The following NPNT variants were observed in gnomAD, a reference collection of about 807,000 sequenced individuals.
NPNT encodes the protein preosteoblast EGF-like repeat protein with MAM domain.
A neutral mutation model predicts 68.6 loss-of-function variants in NPNT; 45 were observed. The observed-to-expected ratio is 0.66, with a 90% CI of 0.52 to 0.84. The LOEUF (loss-of-function observed/expected upper bound fraction) is 0.84. Ranked by LOEUF, NPNT falls within the 40% of genes least tolerant of loss-of-function variation. The pLI, the probability that NPNT is intolerant of heterozygous loss-of-function variation, is 0.00. For missense variants in NPNT, 672 were observed against 714.8 expected, an observed-to-expected ratio of 0.94 and a Z score of 0.68; for synonymous variants, 233 against 253.3, an observed-to-expected ratio of 0.92 and a Z score of 0.76.
chr4:105,902,752 C>G (rs1726523467), intron 2 of NPNT: 1 of 152,118 alleles, frequency 6.6e-6, no homozygotes, highest in South Asian at 2.1e-4. Flanking sequence ...AATGCAGATT[C>G]CAAAGTAAGA....
chr4:105,896,094 C>T, intron 1 of NPNT: 1 of 246,532 alleles, frequency 4.1e-6, no homozygotes, highest in Non-Finnish European at 7.8e-6. Context: ...ACTCCCGCGC[C>T]TGAACTAGAC....
intron 3 of NPNT, among the ~76,000 whole-genome samples, chr4:105,934,739 T>A (rs1392703505): frequency 6.6e-6 from 1 of 152,254 alleles, no homozygotes; most frequent in Admixed American, 6.5e-5. Context: ...CATGTTTTCT[T>A]CCTTTCACAT....
Position 105,942,599 on chromosome 4 carries a change from C to T in NPNT, c.1056C>T (p.Thr352=), listed in dbSNP as rs149050685. ...LPPTTPERPT[T]GLTTIAPAAS... ...CTACAACCCCAGAAAGGCCAACCAC[C>T]GGACTGACAACTATAGCACCAGCTG... The change falls in exon 8 of 12, where the codon ACC becomes ACT. Residue 352 remains threonine, a synonymous_variant. Transcript: ENST00000379987. 28 of 1,614,030 alleles carry T rather than the reference C, an allele frequency of 1.7e-5. No individual in the cohort carries two copies. Among genetic ancestry groups the T allele is most frequent in the African/African-American group, 1.7e-4 (13 of 75,004 alleles).
chr4:105,928,804 T>A (rs1053381000), intron 3 of NPNT, among the ~76,000 whole-genome samples: 1 of 152,044 alleles, frequency 6.6e-6, no homozygotes, highest in Admixed American at 6.6e-5. Flanking sequence ...AACTATCCCT[T>A]ACATACTTAC....
chr4:105,968,763 A>G, intron 11 of NPNT, 132 bp from the exon 12 acceptor site: 1 of 596,422 alleles, frequency 1.7e-6, no homozygotes, highest in Non-Finnish European at 3.0e-6. Context: ...TGGCAACTAT[A>G]TTCTGTTTTT....
intron 8 of NPNT, among the ~76,000 whole-genome samples, chr4:105,947,218 G>A (rs542335975): frequency 2.6e-5 from 4 of 152,162 alleles, no homozygotes; most frequent in South Asian, 2.1e-4. Flanking sequence ...CCCTAAAATC[G>A]CTGTTATTGT....
chr4:105,957,620 C>A (rs2149399662), intron 8 of NPNT, among the ~76,000 whole-genome samples: 1 of 152,186 alleles, frequency 6.6e-6, no homozygotes, highest in Non-Finnish European at 1.5e-5. Context: ...CCCTCCAGGA[C>A]CTCAGAGACT....
At chr4:105,908,267 G>T (rs1727079262) in intron 2 of NPNT, among the ~76,000 whole-genome samples, 1 of 151,298 alleles carries the variant, frequency 6.6e-6, no homozygotes, top group Admixed American at 6.6e-5. Flanking sequence ...TTATTTGCAT[G>T]TTGAGAGTCA....
Position 105,940,597 on chromosome 4 carries a change from T to A in NPNT, c.724T>A (p.Cys242Ser), listed in dbSNP as rs200216138. ...YNIRGSYKCK[C>S]KEGYQGDGLT... is the part of the protein sequence containing the mutation. ...CATACGTGGGTCCTACAAGTGCAAA[T>A]GTAAAGAAGGATACCAGGGTGATGG... The change falls in exon 7 of 12, where the codon TGT becomes AGT. Residue 242 changes from cysteine to serine, a missense_variant. Cys to Ser is a moderately radical substitution (Grantham distance 112, BLOSUM62 -1). Coordinates refer to ENST00000379987, the MANE Select transcript of NPNT (RefSeq NM_001033047.3). 2.2e-5 allele frequency: 36 copies of A among 1,613,362 alleles called. No individual in the cohort carries two copies. Among genetic ancestry groups the A allele is most frequent in the Non-Finnish European group, 5.1e-6 (6 of 1,179,512 alleles).
intron 8 of NPNT, among the ~76,000 whole-genome samples, chr4:105,947,331 C>T (rs529920809): frequency 7.2e-5 from 11 of 152,174 alleles, no homozygotes; most frequent in African/African-American, 2.2e-4. Flanking sequence ...GACATACATC[C>T]TCAGTTTAAG....
intron 8 of NPNT, among the ~76,000 whole-genome samples, chr4:105,950,333 A>C (rs1399999180): frequency 8.7e-5 from 2 of 22,952 alleles, no homozygotes; most frequent in East Asian, 0.17. Context: ...TTATTAACTA[A>C]AATAACATAG....
At chr4:105,935,951 G>A (rs1327115358) in intron 3 of NPNT, among the ~76,000 whole-genome samples, 2 of 152,092 alleles carry the variant, frequency 1.3e-5, no homozygotes, top group African/African-American at 4.8e-5. Context: ...TCAATGACAT[G>A]GATTAATAGA....
intron 2 of NPNT, among the ~76,000 whole-genome samples, chr4:105,907,969 C>T (rs771055033): frequency 1.3e-5 from 2 of 151,946 alleles, no homozygotes; most frequent in Non-Finnish European, 2.9e-5. Flanking sequence ...ATAGTGACAT[C>T]TATTTTTTCA....
chr4:105,967,179 C>T lies in NPNT; in HGVS notation c.1346-9C>T. The T allele has an allele frequency of 6.2e-7, 1 of 1,613,304 alleles. No homozygotes were observed. Among genetic ancestry groups the T allele is most frequent in the South Asian group, 1.1e-5 (1 of 90,996 alleles). ...GCACATACACACAGCCCTGCTTTTC[C>T]CATTCCAGGTGGACAATATCTGACA... On this transcript the variant is annotated splice_polypyrimidine_tract_variant and intron_variant, in intron 10 of 11. Coordinates refer to ENST00000379987, the MANE Select transcript of NPNT (RefSeq NM_001033047.3).
chr4:105,949,611 C>T (rs369448930), intron 8 of NPNT, among the ~76,000 whole-genome samples: 152 of 152,100 alleles, frequency 1.0e-3, no homozygotes, highest in African/African-American at 3.6e-3. Context: ...AGGAGCAATC[C>T]CAGGGCAAAG....
chr4:105,936,517 T>A (rs937088986), intron 3 of NPNT, among the ~76,000 whole-genome samples: 10 of 152,208 alleles, frequency 6.6e-5, no homozygotes, highest in Non-Finnish European at 1.3e-4. Context: ...ATTCTCAAAG[T>A]CCAAGCCTTA....
intron 10 of NPNT, among the ~76,000 whole-genome samples, chr4:105,961,554 C>G (rs111583221): frequency 9.9e-5 from 15 of 152,208 alleles, no homozygotes; most frequent in African/African-American, 3.1e-4. Context: ...CAATTTAGTC[C>G]TTTTCAACAT....
chr4:105,942,823 T>C, intron 8 of NPNT, 121 bp downstream of exon 8: 1 of 909,424 alleles, frequency 1.1e-6, no homozygotes, highest in Non-Finnish European at 1.6e-6. Context: ...AAGTCGTATG[T>C]CCCTATTGAC....
At chr4:105,941,664 ATC>A (rs1729965458) in intron 7 of NPNT, among the ~76,000 whole-genome samples, 3 of 152,348 alleles carry the variant, frequency 2.0e-5, no homozygotes, top group African/African-American at 7.2e-5. Flanking sequence ...GATGAAGATT[ATC>A]AAGGAAAAAG....
Sources: allele counts gnomAD v4.1 joint callset (sites outside exome capture counted in the v4.1 genomes callset), GRCh38; gene constraint gnomAD v4.1.1; transcripts MANE v1.5; gene names NCBI Gene and HGNC (gene_info 2026-07-23, HGNC 2026-07-21).